Variants in SGCZ observed in about 807,000 individuals in gnomAD.
SGCZ encodes zeta-sarcoglycan.
A neutral mutation model predicts 41.3 loss-of-function variants in SGCZ; 40 were observed. The ratio of observed to expected loss-of-function variants is 0.97; its 90% CI spans 0.75 to 1.26. The LOEUF (loss-of-function observed/expected upper bound fraction) is 1.26, where lower values mean the gene tolerates loss of function less well. SGCZ is among the 50% of genes most tolerant of loss of function. SGCZ has a pLI of 0.00. For missense variants in SGCZ, 552 were observed against 369.8 expected (o/e 1.49, Z -4.04); for synonymous variants, 206 against 137.5 (o/e 1.50, Z -3.49).
intron 1 of SGCZ, among the ~76,000 whole-genome samples, chr8:15,141,452 C>T (rs779020297): frequency 4.6e-5 from 7 of 152,224 alleles, no homozygotes; most frequent in African/African-American, 1.7e-4. Flanking sequence ...AAAAAGATGT[C>T]CACATCAGTG....
At chr8:14,937,994 T>A (rs1800139448) in intron 1 of SGCZ, among the ~76,000 whole-genome samples, 1 of 152,166 alleles carries the variant, frequency 6.6e-6, no homozygotes. Flanking sequence ...TTAAGAAATG[T>A]TTGATTGGAA....
At chr8:14,387,674 A>T (rs1042642380) in intron 2 of SGCZ, among the ~76,000 whole-genome samples, 1 of 152,068 alleles carries the variant, frequency 6.6e-6, no homozygotes, top group Non-Finnish European at 1.5e-5. Flanking sequence ...TTTTCTGAAT[A>T]AAAATATTTT....
intron 1 of SGCZ, among the ~76,000 whole-genome samples, chr8:15,089,385 T>C (rs1283935379): frequency 6.6e-6 from 1 of 152,138 alleles, no homozygotes; most frequent in Non-Finnish European, 1.5e-5. Flanking sequence ...AAATACTTCT[T>C]GAATTTAAGA....
At chr8:15,039,875 C>A (rs1424690080) in intron 1 of SGCZ, among the ~76,000 whole-genome samples, 1 of 152,166 alleles carries the variant, frequency 6.6e-6, no homozygotes, top group African/African-American at 2.4e-5. Flanking sequence ...GGTTAAACCG[C>A]AGCTTTTCAT....
intron 1 of SGCZ, among the ~76,000 whole-genome samples, chr8:15,015,725 ACGTGTGTG>A (rs1803004625): frequency 1.2e-5 from 1 of 85,804 alleles, no homozygotes; most frequent in African/African-American, 4.8e-5. Flanking sequence ...AGAAATATAC[ACGTGTGTG>A]TGTGTGTGTG....
chr8:14,261,855 A>T (rs1799679519), intron 3 of SGCZ, among the ~76,000 whole-genome samples: 1 of 152,190 alleles, frequency 6.6e-6, no homozygotes, highest in Non-Finnish European at 1.5e-5. Context: ...GCATTTGAAG[A>T]CGGTCAGAGG....
intron 1 of SGCZ, among the ~76,000 whole-genome samples, chr8:14,691,612 T>A (rs1269232874): frequency 2.6e-5 from 4 of 151,710 alleles, no homozygotes; most frequent in Admixed American, 2.6e-4. Flanking sequence ...ATGAATAATG[T>A]CACCTAAAAA....
chr8:14,367,269 A>T (rs1803743902), intron 2 of SGCZ, among the ~76,000 whole-genome samples: 2 of 152,036 alleles, frequency 1.3e-5, no homozygotes, highest in African/African-American at 4.8e-5. Context: ...GGAATTCATT[A>T]TCCATATCAC....
intron 1 of SGCZ, among the ~76,000 whole-genome samples, chr8:14,592,616 A>G (rs1281727065): frequency 2.0e-5 from 3 of 152,264 alleles, no homozygotes. Context: ...CTGTAAAACC[A>G]AACAAAAAAA....
chr8:14,609,456 G>GA (rs1217569026), intron 1 of SGCZ, among the ~76,000 whole-genome samples: 10 of 151,918 alleles, frequency 6.6e-5, no homozygotes, highest in African/African-American at 2.2e-4. Context: ...ATAATTTCTT[G>GA]AAAAAAAGTC....
At chr8:14,493,593 C>T (rs529159918) in intron 2 of SGCZ, among the ~76,000 whole-genome samples, 7 of 151,432 alleles carry the variant, frequency 4.6e-5, no homozygotes, top group Admixed American at 2.6e-4. Context: ...GTCTCGATAT[C>T]GTGACCTCAT....
chr8:14,399,462 G>A (rs1339862491), intron 2 of SGCZ, among the ~76,000 whole-genome samples: 1 of 151,950 alleles, frequency 6.6e-6, no homozygotes, highest in African/African-American at 2.4e-5. Flanking sequence ...CTTTCTCATG[G>A]TTTGATTTAT....
At chr8:14,361,783 C>T (rs1803522934) in intron 2 of SGCZ, among the ~76,000 whole-genome samples, 1 of 152,130 alleles carries the variant, frequency 6.6e-6, no homozygotes, top group South Asian at 2.1e-4. Flanking sequence ...GAATTTTCAG[C>T]CTTTCTGCTC....
intron 4 of SGCZ, among the ~76,000 whole-genome samples, chr8:14,228,458 T>A (rs1806449794): frequency 6.6e-6 from 1 of 152,122 alleles, no homozygotes; most frequent in Non-Finnish European, 1.5e-5. Flanking sequence ...TCACAATTAC[T>A]TTAATATTAA....
chr8:15,147,891 T>C (rs924327076), intron 1 of SGCZ, among the ~76,000 whole-genome samples: 1 of 152,206 alleles, frequency 6.6e-6, no homozygotes, highest in African/African-American at 2.4e-5. Context: ...GGACAAACCA[T>C]ATAAAAGGTA....
intron 5 of SGCZ, among the ~76,000 whole-genome samples, chr8:14,122,780 T>C (rs1802739729): frequency 6.6e-6 from 1 of 152,116 alleles, no homozygotes; most frequent in South Asian, 2.1e-4. Flanking sequence ...CTTATCCCCA[T>C]TAGAAACTCA....
chr8:14,309,803 G>C lies in SGCZ; in HGVS notation c.336+14300C>G. ...TTCATTTCCATCTAAATGTTACTAAGGTATAAGAGAAGTCTCATTCGCCTT... is the reference window on the plus strand; with the variant it reads ...TTCATTTCCATCTAAATGTTACTAACGTATAAGAGAAGTCTCATTCGCCTT... On this transcript the variant is annotated intron_variant, in intron 3 of 7. Transcript: ENST00000382080. The C allele has an allele frequency of 4.2e-6, 6 of 1,428,458 alleles. No homozygotes were observed. In the South Asian group the frequency reaches 5.3e-5, roughly 13 times the overall value. The allele number at this position is 1,428,458 out of a possible 1,614,324, so 88.5% of individuals were successfully genotyped here. A position where few individuals can be genotyped will look rare whatever the true frequency, so the allele number is the denominator to read the frequency against.
chr8:14,659,544 G>C (rs762969238), intron 1 of SGCZ, among the ~76,000 whole-genome samples: 2 of 152,020 alleles, frequency 1.3e-5, no homozygotes, highest in African/African-American at 2.4e-5. Context: ...AATAATTTTG[G>C]TAGCCAAATA....
intron 1 of SGCZ, among the ~76,000 whole-genome samples, chr8:15,232,796 C>CACACATATATATGTGTGTAT (rs1801995288): frequency 3.2e-5 from 2 of 62,878 alleles, no homozygotes; most frequent in Non-Finnish European, 6.5e-5. Flanking sequence ...TGTGTGTATA[C>CACACATATATATGTGTGTAT]ATATATACAC....
Sources: gnomAD v4.1 joint callset for allele counts (sites outside exome capture counted in the v4.1 genomes callset) on GRCh38, gnomAD v4.1.1 for gene constraint, MANE v1.5 for transcripts, NCBI Gene and HGNC (gene_info 2026-07-23, HGNC 2026-07-21) for gene names.